The following E2F3 variants were observed in gnomAD, a reference collection of about 807,000 sequenced individuals.
E2F3 encodes the protein transcription factor E2F3.
E2F3 carries 11 observed loss-of-function variants against 44.4 expected under a neutral mutation model. The observed-to-expected ratio is 0.25, with a 90% CI of 0.16 to 0.41. The LOEUF is 0.41. Among genes scored for constraint, E2F3 ranks in the 10% least tolerant of loss-of-function variants. The pLI, the probability that E2F3 is intolerant of heterozygous loss-of-function variation, is 1.00. For synonymous variants in E2F3, 249 were observed against 253.0 expected, an observed-to-expected ratio of 0.98 and a Z score of 0.15; for missense variants, 487 against 583.6, an observed-to-expected ratio of 0.83 and a Z score of 1.70.
In E2F3 at chr6:20,488,276, A is replaced by T. The variant is rs780344954; in HGVS notation, c.1135+28A>T. On this transcript the variant is annotated intron_variant, in intron 6 of 6. Transcript: ENST00000346618. The stretch of plus-strand genomic sequence containing the variant: ...AAAAACTCCACTTTTGTCTTTTAGA[A>T]ACTATGTTAAAAATGAGGGTGACTA... The T allele has an allele frequency of 3.7e-5, 57 of 1,559,784 alleles. No homozygotes were observed. In the African/African-American group the frequency reaches 6.4e-4, roughly 17 times the overall value.
In E2F3 at chr6:20,492,442, C is replaced by T. The variant is rs1199260266; in HGVS notation, c.*2012C>T. The T allele has an allele frequency of 4.3e-6, 1 of 233,560 alleles. No homozygotes were observed. The highest frequency in any genetic ancestry group is 8.5e-6 in the Non-Finnish European group (1 of 118,002). The allele number at this position is 233,560 out of a possible 1,614,324, so 14.5% of individuals were successfully genotyped here. On this transcript the variant is annotated 3_prime_UTR_variant, in exon 7 of 7. Coordinates refer to ENST00000346618, the MANE Select transcript of E2F3 (RefSeq NM_001949.5). The stretch of plus-strand genomic sequence containing the variant: ...ATTGGGGTGGGGGAGGGAGAGGGAG[C>T]TTTGTGTTAAGTGCCTACTGGAAAT...
At chr6:20,424,363 G>C (rs1760136718) in intron 1 of E2F3, among the ~76,000 whole-genome samples, 1 of 110,430 alleles carries the variant, frequency 9.1e-6, no homozygotes, top group Admixed American at 1.1e-4. Flanking sequence ...TTCTCAGAGA[G>C]ACACAGAGAG....
In E2F3 at chr6:20,490,553, C is replaced by T. The variant is rs954347697; in HGVS notation, c.*123C>T. 9 of 976,614 alleles carry T rather than the reference C, an allele frequency of 9.2e-6. No individual in the cohort carries two copies. Among genetic ancestry groups the T allele is most frequent in the Non-Finnish European group, 1.3e-5 (9 of 702,832 alleles). 60.5% of individuals were successfully genotyped at this position (976,614 alleles called of 1,614,324 possible). A position where few individuals can be genotyped will look rare whatever the true frequency, so the allele number is the denominator to read the frequency against. ...CAAGAGAGTATCATGAAGTAAACTACAAACTTCAGAAGAAAGCTGACATTT... is the reference window on the plus strand; with the variant it reads ...CAAGAGAGTATCATGAAGTAAACTATAAACTTCAGAAGAAAGCTGACATTT... On this transcript the variant is annotated 3_prime_UTR_variant, in exon 7 of 7. Transcript: ENST00000346618. The surrounding 1 kb of genome is among the most constrained non-coding windows in gnomAD (Gnocchi z 4.3).
At chr6:20,442,649 G>C (rs1012677472) in intron 1 of E2F3, among the ~76,000 whole-genome samples, 2 of 152,182 alleles carry the variant, frequency 1.3e-5, no homozygotes, top group African/African-American at 4.8e-5. Flanking sequence ...TTAGAGGACA[G>C]TTAAGTTTCT....
chr6:20,402,289 G>A lies in E2F3; in HGVS notation c.57G>A (p.Gly19=). The change falls in exon 1 of 7, where the codon GGG becomes GGA. Residue 19 remains glycine, a synonymous_variant. Coordinates refer to ENST00000346618, the MANE Select transcript of E2F3 (RefSeq NM_001949.5). This position sits in a 1 kb window ranked among gnomAD's most constrained non-coding sequence, Gnocchi z 5.6. ...AGTACCTGGTGACCGCCGGGGGTGG[G>A]GAGGGGGCGGCTGTCGTCGCCGCCG... The part of the protein sequence containing the change: ...LEQYLVTAGG[G]EGAAVVAAAA... 1 of 1,608,922 alleles carries A rather than the reference G, an allele frequency of 6.2e-7. No homozygotes were observed. The highest frequency in any genetic ancestry group is 1.7e-5 in the Admixed American group (1 of 59,326).
At chr6:20,428,575 G>A (rs1029077604) in intron 1 of E2F3, among the ~76,000 whole-genome samples, 1 of 152,160 alleles carries the variant, frequency 6.6e-6, no homozygotes, top group African/African-American at 2.4e-5. Flanking sequence ...TCTCAGGGTT[G>A]ACTGGGAAGG....
chr6:20,415,118 C>T (rs1759802674), intron 1 of E2F3, among the ~76,000 whole-genome samples: 1 of 152,200 alleles, frequency 6.6e-6, no homozygotes, highest in Non-Finnish European at 1.5e-5. Flanking sequence ...CAGGCTCTTA[C>T]TGAACACCCG....
At chr6:20,429,921 A>AT (rs1423367755) in intron 1 of E2F3, among the ~76,000 whole-genome samples, 1 of 151,906 alleles carries the variant, frequency 6.6e-6, no homozygotes, top group Non-Finnish European at 1.5e-5. Flanking sequence ...AAAATGCCCT[A>AT]TTTTTTTCCT....
At chr6:20,446,517 T>C (rs112334643) in intron 1 of E2F3, among the ~76,000 whole-genome samples, 2 of 152,220 alleles carry the variant, frequency 1.3e-5, no homozygotes, top group Admixed American at 1.3e-4. Context: ...AAAATGCCTC[T>C]TTCTGGACCA....
chr6:20,440,372 T>C (rs1760734052), intron 1 of E2F3, among the ~76,000 whole-genome samples: 1 of 152,248 alleles, frequency 6.6e-6, no homozygotes, highest in African/African-American at 2.4e-5. Flanking sequence ...GCAGTGACTT[T>C]TAACTTTAGC....
chr6:20,431,352 A>G (rs918772818), intron 1 of E2F3, among the ~76,000 whole-genome samples: 1 of 152,216 alleles, frequency 6.6e-6, no homozygotes, highest in Admixed American at 6.5e-5. Context: ...GACTTCATAC[A>G]GTACTCCGTC....
At chr6:20,474,010 G>GA (rs937296942) in intron 1 of E2F3, among the ~76,000 whole-genome samples, 18 of 151,504 alleles carry the variant, frequency 1.2e-4, no homozygotes, top group Admixed American at 2.6e-4. Flanking sequence ...TTCCCCAGTG[G>GA]AAAAAAAATA....
intron 1 of E2F3, chr6:20,403,822 T>A: frequency 6.7e-7 from 1 of 1,497,480 alleles, no homozygotes; most frequent in Non-Finnish European, 8.9e-7. Flanking sequence ...GAAATGCCCT[T>A]ACAGCAGCAG....
intron 1 of E2F3, among the ~76,000 whole-genome samples, chr6:20,413,332 GT>G (rs1759737108): frequency 3.3e-5 from 5 of 152,226 alleles, no homozygotes; most frequent in African/African-American, 7.2e-5. Context: ...AGCACGGCTA[GT>G]TGAGCACAGG....
At chr6:20,425,593 C>T (rs552788754) in intron 1 of E2F3, among the ~76,000 whole-genome samples, 233 of 152,128 alleles carry the variant, frequency 1.5e-3, no homozygotes, top group African/African-American at 5.3e-3. Flanking sequence ...TTCACCATGT[C>T]GGCCAGGCTG....
chr6:20,440,346 A>G (rs1760733441), intron 1 of E2F3, among the ~76,000 whole-genome samples: 1 of 152,250 alleles, frequency 6.6e-6, no homozygotes, highest in Non-Finnish European at 1.5e-5. Flanking sequence ...AGAATGTTCC[A>G]AAGGAACAAA....
intron 1 of E2F3, among the ~76,000 whole-genome samples, chr6:20,426,524 G>A (rs1029237601): frequency 3.6e-5 from 5 of 137,514 alleles, no homozygotes; most frequent in African/African-American, 5.2e-5. Flanking sequence ...TGTTTTTCAC[G>A]TCTGCAGTTA....
At chr6:20,431,672 C>T (rs1456254362) in intron 1 of E2F3, among the ~76,000 whole-genome samples, 5 of 152,100 alleles carry the variant, frequency 3.3e-5, no homozygotes, top group Non-Finnish European at 1.5e-5. Flanking sequence ...ACCTTCTACA[C>T]ACACTCTTCA....
At chr6:20,415,229 A>G (rs900678486) in intron 1 of E2F3, among the ~76,000 whole-genome samples, 8 of 152,244 alleles carry the variant, frequency 5.3e-5, no homozygotes, top group Non-Finnish European at 7.3e-5. Context: ...GGGAGACGAC[A>G]CATTTTCTTC....
Sources: gnomAD v4.1 joint callset for allele counts (sites outside exome capture counted in the v4.1 genomes callset) on GRCh38, gnomAD v4.1.1 for gene constraint, Gnocchi (gnomAD v3.1) non-coding constraint, MANE v1.5 for transcripts, NCBI Gene and HGNC (gene_info 2026-07-23, HGNC 2026-07-21) for gene names.